The following SLC2A2 variants were observed in gnomAD, a reference collection of about 807,000 sequenced individuals.
SLC2A2 encodes the protein solute carrier family 2 member 2, also known as solute carrier family 2, facilitated glucose transporter member 2.
A neutral mutation model predicts 54.5 loss-of-function variants in SLC2A2; 36 were observed. That is an observed-to-expected ratio of 0.66 (90% CI 0.51 to 0.87). The LOEUF is 0.87. Ranked by LOEUF, SLC2A2 falls within the 40% of genes least tolerant of loss-of-function variation. The probability of loss-of-function intolerance (pLI) is 0.00; values close to 1 mark genes in which losing one functional copy is unlikely to be tolerated. For missense variants in SLC2A2, 543 were observed against 624.3 expected (o/e 0.87, Z 1.39); for synonymous variants, 223 against 219.1 (o/e 1.02, Z -0.16).
intron 3 of SLC2A2, among the ~76,000 whole-genome samples, chr3:171,011,426 CTA>C (rs1388504288): frequency 6.6e-6 from 1 of 152,140 alleles, no homozygotes; most frequent in Non-Finnish European, 1.5e-5. Flanking sequence ...AGCCAGAGAA[CTA>C]TAGTTGGTCA....
chr3:170,999,189 A>T (rs542789356), intron 8 of SLC2A2, 23 bp from the exon 9 acceptor site: 1 of 1,493,486 alleles, frequency 6.7e-7, no homozygotes, highest in African/African-American at 1.4e-5. Context: ...TAAAGAAATT[A>T]TCTCAGTTTT....
At position 170,999,129 on chromosome 3, in the gene SLC2A2, AAG is replaced by A. The variant is rs1174349159; in HGVS notation, c.1104_1105del (p.Phe369SerfsTer23). 5 of 1,612,876 alleles carry A rather than the reference AAG, an allele frequency of 3.1e-6. No homozygotes were observed. The highest frequency in any genetic ancestry group is 4.2e-6 in the Non-Finnish European group (5 of 1,179,084). Reference sequence around the variant, plus strand: ...AAACATCCCACTCATTCCAATTAGAAAGAGAGAACGTCGCCCTGCCTTCTCCA... The same window carrying A: ...AAACATCCCACTCATTCCAATTAGAAAGAGAACGTCGCCCTGCCTTCTCCA... On this transcript the variant is annotated frameshift_variant, in exon 9 of 11. Transcript: ENST00000314251. LOFTEE classifies it high-confidence loss of function.
chr3:171,005,149 C>T, intron 7 of SLC2A2, 136 bp downstream of exon 7: 1 of 756,710 alleles, frequency 1.3e-6, no homozygotes, highest in Non-Finnish European at 2.3e-6. Flanking sequence ...AATGCTTACT[C>T]AATGTACGTT....
rs142230602 is a variant in SLC2A2, at chr3:171,011,919, T to G, written c.372-1837A>C. 1.2e-4 allele frequency among the ~76,000 whole-genome samples: 18 copies of G among 152,230 alleles called. No homozygotes were observed. In the East Asian group the frequency reaches 3.5e-3, roughly 29 times the overall value. ...TACCACCAAAGGATGCAGGAACACT[T>G]TATGTAATTTAAATTCTTTTAACTT... On this transcript the variant is annotated intron_variant, in intron 3 of 10. Coordinates refer to ENST00000314251, the MANE Select transcript of SLC2A2 (RefSeq NM_000340.2).
chr3:171,003,433 G>A lies in SLC2A2; in HGVS notation c.964-753C>T, dbSNP rs535298024. 1.0e-4 allele frequency among the ~76,000 whole-genome samples: 7 copies of A among 68,252 alleles called. No individual in the cohort carries two copies. In the South Asian group the frequency reaches 2.6e-3, roughly 25 times the overall value. The allele number at this position is 68,252 out of a possible 152,430, so 44.8% of individuals were successfully genotyped here. The stretch of plus-strand genomic sequence containing the variant: ...AACTCTAGAAGCCACTTGCAATGTA[G>A]TTTTTTTTGGGGGGGAGGGTGGGAG... On this transcript the variant is annotated intron_variant, in intron 7 of 10. Coordinates refer to ENST00000314251, the MANE Select transcript of SLC2A2 (RefSeq NM_000340.2).
Position 171,005,442 on chromosome 3 carries a change from ACAT to A in SLC2A2, c.803_805del (p.Asp268del), listed in dbSNP as rs774721090. The stretch of plus-strand genomic sequence containing the variant: ...TCTCATTTCATTAATATCTTTGGTG[ACAT>A]CATCATATCCTCTGAGTCTTTTCAA... On this transcript the variant is annotated inframe_deletion, in exon 7 of 11. Transcript: ENST00000314251. 1.3e-4 allele frequency: 206 copies of A among 1,612,374 alleles called. No individual in the cohort carries two copies. The highest frequency in any genetic ancestry group is 1.6e-4 in the Middle Eastern group (1 of 6,070).
intron 7 of SLC2A2, among the ~76,000 whole-genome samples, 199 bp from the exon 8 acceptor site, chr3:171,002,879 T>C (rs1715404667): frequency 6.6e-6 from 1 of 152,160 alleles, no homozygotes; most frequent in South Asian, 2.1e-4. Context: ...TGCTTAAACG[T>C]CCTCCTTATA....
intron 1 of SLC2A2, among the ~76,000 whole-genome samples, chr3:171,022,130 C>T (rs1716491853): frequency 6.6e-6 from 1 of 152,174 alleles, no homozygotes; most frequent in East Asian, 1.9e-4. Context: ...TTCATGGCAG[C>T]ACCATTAATG....
At chr3:170,999,017 G>C (rs747050158) in intron 9 of SLC2A2, 48 bp downstream of exon 9, 2 of 1,178,528 alleles carry the variant, frequency 1.7e-6, no homozygotes, top group Non-Finnish European at 2.6e-6. Context: ...GAGGTGCCAG[G>C]TACCATCATA....
At chr3:171,018,653 A>G (rs756770846) in intron 1 of SLC2A2, 30 bp from the exon 2 acceptor site, 3 of 1,476,686 alleles carry the variant, frequency 2.0e-6, no homozygotes, top group Non-Finnish European at 2.8e-6. Context: ...GGGCAGGGAA[A>G]CACCAGGCAA....
rs748215428 is a variant in SLC2A2, at chr3:171,002,573, T to C, written c.1068+3A>G. 1 of 1,586,002 alleles carries C rather than the reference T, an allele frequency of 6.3e-7. No individual in the cohort carries two copies. Among genetic ancestry groups the C allele is most frequent in the Non-Finnish European group, 8.7e-7 (1 of 1,155,694 alleles). The stretch of plus-strand genomic sequence containing the variant: ...AGAGTATTTATCTAGGGCATTGACT[T>C]ACAGAGACAGCAGTGAAAACCATGT... On this transcript the variant is annotated splice_donor_region_variant and intron_variant, in intron 8 of 10. Transcript: ENST00000314251.
rs1301725769 is a variant in SLC2A2, at chr3:171,019,105, A to G, written c.16-482T>C. 7.2e-3 allele frequency among the ~76,000 whole-genome samples: 93 copies of G among 12,992 alleles called. 1 individual carries two copies. The highest frequency in any genetic ancestry group is 0.025 in the African/African-American group (90 of 3,638). The allele number at this position is 12,992 out of a possible 152,430, so 8.5% of individuals were successfully genotyped here. On this transcript the variant is annotated intron_variant, in intron 1 of 10. Coordinates refer to ENST00000314251, the MANE Select transcript of SLC2A2 (RefSeq NM_000340.2). ...TATATATGTGTGTGTGTGTATATAT[A>G]TATATATATATATATATACGTATGT...
intron 3 of SLC2A2, among the ~76,000 whole-genome samples, chr3:171,013,997 T>C (rs185967927): frequency 7.0e-4 from 104 of 149,262 alleles, no homozygotes; most frequent in Non-Finnish European, 1.4e-3. Context: ...CATTGGGCAA[T>C]TGGGAGTTGG....
rs918690487 is a variant in SLC2A2, at chr3:170,998,485, A to G, written c.1171-89T>C. ...AGTAGCCTCTGAGTTCACAGGCGGCATACAACTTTTTCTAATGTATTTTGT... is the reference window on the plus strand; with the variant it reads ...AGTAGCCTCTGAGTTCACAGGCGGCGTACAACTTTTTCTAATGTATTTTGT... On this transcript the variant is annotated intron_variant, in intron 9 of 10. Coordinates refer to ENST00000314251, the MANE Select transcript of SLC2A2 (RefSeq NM_000340.2). 1.4e-5 allele frequency: 14 copies of G among 975,508 alleles called. No homozygotes were observed. In the African/African-American group the frequency reaches 1.9e-4, roughly 13 times the overall value. 60.4% of individuals were successfully genotyped at this position (975,508 alleles called of 1,614,324 possible).
chr3:171,024,340 T>G (rs1318838704), intron 1 of SLC2A2, among the ~76,000 whole-genome samples: 1 of 152,210 alleles, frequency 6.6e-6, no homozygotes, highest in Admixed American at 6.5e-5. Context: ...TACATGAAAT[T>G]ATTCCTATTT....
At chr3:171,015,599 C>A (rs990082058) in intron 2 of SLC2A2, among the ~76,000 whole-genome samples, 2 of 152,048 alleles carry the variant, frequency 1.3e-5, no homozygotes, top group African/African-American at 4.8e-5. Context: ...AGAAAAAAGA[C>A]TGGGAAAGTT....
At chr3:171,002,877 C>T (rs1245911927) in intron 7 of SLC2A2, among the ~76,000 whole-genome samples, 197 bp from the exon 8 acceptor site, 4 of 152,012 alleles carry the variant, frequency 2.6e-5, no homozygotes, top group African/African-American at 9.7e-5. Flanking sequence ...ATTGCTTAAA[C>T]GTCCTCCTTA....
intron 1 of SLC2A2, among the ~76,000 whole-genome samples, chr3:171,024,641 C>A (rs1309333502): frequency 6.6e-6 from 1 of 152,142 alleles, no homozygotes; most frequent in East Asian, 1.9e-4. Context: ...TTGAAAGAGA[C>A]CTTAGAGAAC....
chr3:171,006,231 C>T lies in SLC2A2; in HGVS notation c.613-126G>A, dbSNP rs150173518. On this transcript the variant is annotated intron_variant, in intron 5 of 10. Coordinates refer to ENST00000314251, the MANE Select transcript of SLC2A2 (RefSeq NM_000340.2). ...CTGACAACTTTGGTTCAAGTAAAAACGGAAACTGTTACTATTGTATCTCAC... is the reference window on the plus strand; with the variant it reads ...CTGACAACTTTGGTTCAAGTAAAAATGGAAACTGTTACTATTGTATCTCAC... 1.6e-4 allele frequency: 117 copies of T among 754,270 alleles called. 1 individual carries two copies. Among genetic ancestry groups the T allele is most frequent in the Admixed American group, 3.8e-4 (15 of 39,496 alleles). 46.7% of individuals were successfully genotyped at this position (754,270 alleles called of 1,614,324 possible). A position where few individuals can be genotyped will look rare whatever the true frequency, so the allele number is the denominator to read the frequency against.
Sources: allele counts gnomAD v4.1 joint callset (sites outside exome capture counted in the v4.1 genomes callset), GRCh38; gene constraint gnomAD v4.1.1; transcripts MANE v1.5; gene names NCBI Gene and HGNC (gene_info 2026-07-23, HGNC 2026-07-21).